TAS1R1: variants seen among roughly 807,000 people sequenced by gnomAD.
TAS1R1 encodes taste 1 receptor member 1, also known as taste receptor type 1 member 1.
A neutral mutation model predicts 45.8 loss-of-function variants in TAS1R1; 31 were observed. The ratio of observed to expected loss-of-function variants is 0.68; its 90% CI spans 0.51 to 0.91. The LOEUF (loss-of-function observed/expected upper bound fraction) is 0.91. Ranked by LOEUF, TAS1R1 falls within the 40% of genes least tolerant of loss-of-function variation. The pLI is 0.00. For synonymous variants in TAS1R1, 437 were observed against 448.4 expected, an observed-to-expected ratio of 0.97 and a Z score of 0.32; for missense variants, 1,051 against 1,063.9, an observed-to-expected ratio of 0.99 and a Z score of 0.17.
Position 6,578,694 on chromosome 1 carries a change from C to T in TAS1R1, c.1636C>T (p.Pro546Ser), listed in dbSNP as rs1640261510. 6.2e-7 allele frequency: 1 copy of T among 1,601,300 alleles called. No individual in the cohort carries two copies. Among genetic ancestry groups the T allele is most frequent in the African/African-American group, 1.3e-5 (1 of 74,688 alleles). Reference protein sequence around the residue: ...CQPCGKEEWAPEGSQTCFPRT... With the variant: ...CQPCGKEEWASEGSQTCFPRT... Reference sequence around the variant, plus strand: ...GCCTTGTGGGAAAGAAGAGTGGGCACCTGAGGGAAGCCAGACCTGCTTCCC... The same window carrying T: ...GCCTTGTGGGAAAGAAGAGTGGGCATCTGAGGGAAGCCAGACCTGCTTCCC... Residue 546 changes from proline to serine, a missense_variant, in exon 6 of 6, where the codon CCT (proline) becomes TCT (serine). Pro to Ser is a moderately conservative substitution (Grantham distance 74). Transcript: ENST00000333172.
At chr1:6,558,135 T>C (rs1639719265) in intron 1 of TAS1R1, among the ~76,000 whole-genome samples, 1 of 151,752 alleles carries the variant, frequency 6.6e-6, no homozygotes, top group African/African-American at 2.4e-5. Context: ...CAGCTTTGCT[T>C]GGGCCTCAGT....
At chr1:6,567,298 C>T (rs1205549217) in intron 1 of TAS1R1, among the ~76,000 whole-genome samples, 3 of 152,082 alleles carry the variant, frequency 2.0e-5, no homozygotes, top group African/African-American at 4.8e-5. Context: ...CAGTGGCTCA[C>T]GCCTGTAATC....
Position 6,574,622 on chromosome 1 carries a change from C to T in TAS1R1, c.499-9C>T. ...GGAGACTGAAATGGCTGAACGGGACCTCCCATAGATTAGCTATGCGGCCAG... is the reference window on the plus strand; with the variant it reads ...GGAGACTGAAATGGCTGAACGGGACTTCCCATAGATTAGCTATGCGGCCAG... On this transcript the variant is annotated splice_polypyrimidine_tract_variant and intron_variant, in intron 2 of 5. Coordinates refer to ENST00000333172, the MANE Select transcript of TAS1R1 (RefSeq NM_138697.4). This position sits in a 1 kb window ranked among gnomAD's most constrained non-coding sequence, Gnocchi z 4.3. The T allele has an allele frequency of 6.3e-7, 1 of 1,585,918 alleles. No individual in the cohort carries two copies. Among genetic ancestry groups the T allele is most frequent in the African/African-American group, 1.3e-5 (1 of 74,742 alleles).
chr1:6,579,362 C>T lies in TAS1R1; in HGVS notation c.2304C>T (p.Phe768=). 1 of 1,614,000 alleles carries T rather than the reference C, an allele frequency of 6.2e-7. No individual in the cohort carries two copies. Among genetic ancestry groups the T allele is most frequent in the Non-Finnish European group, 8.5e-7 (1 of 1,180,048 alleles). The part of the protein sequence containing the change: ...EAKCVTFSLL[F]NFVSWIAFFT... ...AATGTGTCACCTTCAGCCTGCTCTT[C>T]AACTTCGTGTCCTGGATCGCCTTCT... The change falls in exon 6 of 6, where the codon TTC becomes TTT. Residue 768 remains phenylalanine (F), a synonymous_variant. Transcript: ENST00000333172.
At chr1:6,565,247 G>A (rs958077185) in intron 1 of TAS1R1, among the ~76,000 whole-genome samples, 19 of 152,052 alleles carry the variant, frequency 1.2e-4, no homozygotes, top group African/African-American at 4.6e-4. Flanking sequence ...AGAACTCAGG[G>A]TTTTCAAGAA....
At chr1:6,558,960 C>T (rs534175962) in intron 1 of TAS1R1, among the ~76,000 whole-genome samples, 10 of 150,852 alleles carry the variant, frequency 6.6e-5, no homozygotes, top group South Asian at 2.1e-4. Context: ...GGCGCGATCT[C>T]GGCTCACTGC....
chr1:6,570,972 G>A lies in TAS1R1; in HGVS notation c.255G>A (p.Glu85=), dbSNP rs773763165. The change falls in exon 2 of 6, where the codon GAG becomes GAA. Residue 85 remains glutamate, a synonymous_variant. Transcript: ENST00000333172. ...AGGCTATGCGGCTTGGGGTTGAGGA[G>A]ATAAACAACTCCACGGCCCTGCTGC... The part of the protein sequence containing the change: ...LFQAMRLGVE[E]INNSTALLPN... The A allele has an allele frequency of 6.8e-6, 11 of 1,613,770 alleles. No individual in the cohort carries two copies. In the East Asian group the frequency reaches 2.5e-4, roughly 36 times the overall value.
Position 6,574,505 on chromosome 1 carries a change from A to C in TAS1R1, c.499-126A>C, listed in dbSNP as rs1640103714. 1 of 1,220,776 alleles carries C rather than the reference A, an allele frequency of 8.2e-7. No individual in the cohort carries two copies. 75.6% of individuals were successfully genotyped at this position (1,220,776 alleles called of 1,614,324 possible). On this transcript the variant is annotated intron_variant, in intron 2 of 5. Coordinates refer to ENST00000333172, the MANE Select transcript of TAS1R1 (RefSeq NM_138697.4). This position sits in a 1 kb window ranked among gnomAD's most constrained non-coding sequence, Gnocchi z 4.3. ...GTGGAGCCTTCGCAGGTGATTTGTC[A>C]GTTTCACAGGCTGAGGGGTGCTCTC... is the stretch of plus-strand genomic sequence containing the variant.
rs944905543 is a variant in TAS1R1, at chr1:6,574,336, C to T, written c.499-295C>T. ...ACATGCTTCTCTTCTTCCTTGCAAA[C>T]TGCCTCCAGTGGAAGTCCCTGAAGG... On this transcript the variant is annotated intron_variant, in intron 2 of 5. Coordinates refer to ENST00000333172, the MANE Select transcript of TAS1R1 (RefSeq NM_138697.4). This position sits in a 1 kb window ranked among gnomAD's most constrained non-coding sequence, Gnocchi z 4.3. Among the ~76,000 whole-genome samples the T allele has an allele frequency of 6.6e-6, 1 of 152,234 alleles. No homozygotes were observed. Among genetic ancestry groups the T allele is most frequent in the African/African-American group, 2.4e-5 (1 of 41,466 alleles).
Position 6,577,655 on chromosome 1 carries a change from T to A in TAS1R1, c.1594+585T>A, listed in dbSNP as rs368145456. 8.0e-5 allele frequency among the ~76,000 whole-genome samples: 12 copies of A among 150,456 alleles called. No individual in the cohort carries two copies. In the Middle Eastern group the frequency reaches 0.01, roughly 129 times the overall value. On this transcript the variant is annotated intron_variant, in intron 5 of 5. Coordinates refer to ENST00000333172, the MANE Select transcript of TAS1R1 (RefSeq NM_138697.4). ...GCCTGACCAACATGGTGAAACCCCA[T>A]CTCTACTAAAAATACAAAAAAAGTT... is the stretch of plus-strand genomic sequence containing the variant.
In TAS1R1 at chr1:6,570,942, C is replaced by T. The variant is rs1454893313; in HGVS notation, c.225C>T (p.Leu75=). 6.2e-7 allele frequency: 1 copy of T among 1,610,810 alleles called. No individual in the cohort carries two copies. The highest frequency in any genetic ancestry group is 8.5e-7 in the Non-Finnish European group (1 of 1,178,282). Residue 75 remains leucine (L), a synonymous_variant, in exon 2 of 6, where the codon CTC becomes CTT. Coordinates refer to ENST00000333172, the MANE Select transcript of TAS1R1 (RefSeq NM_138697.4). ...GCTTCAATGAGCATGGCTACCACCT[C>T]TTCCAGGCTATGCGGCTTGGGGTTG... ...SCSFNEHGYH[L]FQAMRLGVEE...
chr1:6,577,115 G>C, intron 5 of TAS1R1, 45 bp downstream of exon 5: 2 of 1,610,956 alleles, frequency 1.2e-6, no homozygotes, highest in Non-Finnish European at 1.7e-6. Context: ...ACTCCCGGGG[G>C]CTGCACGGTG....
intron 2 of TAS1R1, among the ~76,000 whole-genome samples, chr1:6,573,699 G>A (rs1640080325): frequency 6.6e-6 from 1 of 151,682 alleles, no homozygotes; most frequent in Non-Finnish European, 1.5e-5. Flanking sequence ...GTTTCGCTCT[G>A]TCGCCCAGGC....
chr1:6,579,236 G>A lies in TAS1R1; in HGVS notation c.2178G>A (p.Leu726=). ...TTGAGTGCACAGAGACCAACTCCCT[G>A]GGCTTCATACTGGCCTTCCTCTACA... The part of the protein sequence containing the change: ...VMLECTETNS[L]GFILAFLYNG... Residue 726 remains leucine, a synonymous_variant, in exon 6 of 6, where the codon CTG becomes CTA. Coordinates refer to ENST00000333172, the MANE Select transcript of TAS1R1 (RefSeq NM_138697.4). 1.2e-6 allele frequency: 2 copies of A among 1,613,988 alleles called. No homozygotes were observed. The highest frequency in any genetic ancestry group is 1.1e-5 in the South Asian group (1 of 91,046).
chr1:6,559,094 C>A (rs530831587), intron 1 of TAS1R1, among the ~76,000 whole-genome samples: 6 of 152,130 alleles, frequency 3.9e-5, no homozygotes, highest in African/African-American at 1.4e-4. Context: ...GGGGTTTCAC[C>A]ATGTTAGCCA....
chr1:6,575,917 A>G (rs1245694876), intron 3 of TAS1R1, among the ~76,000 whole-genome samples: 1 of 151,632 alleles, frequency 6.6e-6, no homozygotes, highest in African/African-American at 2.4e-5. Flanking sequence ...GATGGTCTCA[A>G]TCTCCTGACC....
Position 6,573,880 on chromosome 1 carries a change from G to A in TAS1R1, c.499-751G>A, listed in dbSNP as rs1640087130. On this transcript the variant is annotated intron_variant, in intron 2 of 5. Coordinates refer to ENST00000333172, the MANE Select transcript of TAS1R1 (RefSeq NM_138697.4). ...GGGTTTCACCGTGTTAGCCAGGCTG[G>A]TCGCAAACTCCTAACCTCGTGATCC... Among the ~76,000 whole-genome samples, 6 of 152,156 alleles carry A rather than the reference G, an allele frequency of 3.9e-5. No homozygotes were observed. The South Asian group carries it at 1.2e-3, about 32-fold the overall frequency.
intron 5 of TAS1R1, 23 bp downstream of exon 5, chr1:6,577,093 G>C: frequency 1.2e-5 from 19 of 1,614,006 alleles, no homozygotes; most frequent in Non-Finnish European, 1.6e-5. Context: ...TGGAGCAGGC[G>C]AGCTACCCAG....
chr1:6,579,647 C>A lies in TAS1R1; in HGVS notation c.*63C>A. 6.5e-7 allele frequency: 1 copy of A among 1,528,284 alleles called. No individual in the cohort carries two copies. Among genetic ancestry groups the A allele is most frequent in the East Asian group, 2.3e-5 (1 of 44,232 alleles). The allele number at this position is 1,528,284 out of a possible 1,614,324, so 94.7% of individuals were successfully genotyped here. ...CCCTGAGGGTCGAAGGTCGAGCAGGCCGGGGGTGTCCGGGAGGTCTTTGGG... is the reference window on the plus strand; with the variant it reads ...CCCTGAGGGTCGAAGGTCGAGCAGGACGGGGGTGTCCGGGAGGTCTTTGGG... On this transcript the variant is annotated 3_prime_UTR_variant, in exon 6 of 6. Coordinates refer to ENST00000333172, the MANE Select transcript of TAS1R1 (RefSeq NM_138697.4).
Sources: allele counts gnomAD v4.1 joint callset (sites outside exome capture counted in the v4.1 genomes callset), GRCh38; gene constraint gnomAD v4.1.1; non-coding constraint Gnocchi (gnomAD v3.1); transcripts MANE v1.5; gene names NCBI Gene and HGNC (gene_info 2026-07-23, HGNC 2026-07-21).